The following AKAP6 variants were observed in gnomAD, a reference collection of about 807,000 sequenced individuals.
The protein encoded by AKAP6 is A-kinase anchor protein 6.
A neutral mutation model predicts 188.5 loss-of-function variants in AKAP6; 58 were observed. The ratio of observed to expected loss-of-function variants is 0.31; its 90% CI spans 0.25 to 0.38. AKAP6 has a LOEUF of 0.38. AKAP6 is among the 10% of genes least tolerant of loss of function. AKAP6 has a pLI of 1.00. For missense variants in AKAP6, 2,710 were observed against 2,740.0 expected (o/e 0.99, Z 0.24); for synonymous variants, 989 against 998.6 (o/e 0.99, Z 0.18).
At chr14:32,631,007 A>C (rs887587802) in intron 7 of AKAP6, among the ~76,000 whole-genome samples, 1 of 151,982 alleles carries the variant, frequency 6.6e-6, no homozygotes, top group Non-Finnish European at 1.5e-5. Flanking sequence ...GTTTTGTTGA[A>C]TTTTTAAAAA....
chr14:32,672,627 T>A (rs1194774365), intron 7 of AKAP6, among the ~76,000 whole-genome samples: 1 of 152,166 alleles, frequency 6.6e-6, no homozygotes, highest in Non-Finnish European at 1.5e-5. Flanking sequence ...AGATTCTATC[T>A]CCAAATATAG....
intron 5 of AKAP6, among the ~76,000 whole-genome samples, chr14:32,585,918 G>A (rs1156915495): frequency 1.3e-5 from 2 of 152,168 alleles, no homozygotes; most frequent in Non-Finnish European, 2.9e-5. Flanking sequence ...TTGGGGCTGG[G>A]TGGTAAAGGA....
At position 32,821,964 on chromosome 14, in the gene AKAP6, A is replaced by G. The variant is rs2034533917; in HGVS notation, c.4151A>G (p.Asn1384Ser). 3 of 1,613,876 alleles carry G rather than the reference A, an allele frequency of 1.9e-6. No homozygotes were observed. The Admixed American group carries it at 5.0e-5, about 27-fold the overall frequency. Residue 1384 changes from asparagine to serine, a missense_variant, in exon 13 of 14, where the codon AAT becomes AGT. Coordinates refer to ENST00000280979, the MANE Select transcript of AKAP6 (RefSeq NM_004274.5). The part of the protein sequence containing the change: ...TTTNSEMCLL[N>S]AVDGSPSNLE... ...ACCAACTCTGAAATGTGCTTGCTCAATGCAGTGGATGGGTCCCCAAGTAAC... is the reference window on the plus strand; with the variant it reads ...ACCAACTCTGAAATGTGCTTGCTCAGTGCAGTGGATGGGTCCCCAAGTAAC...
intron 9 of AKAP6, among the ~76,000 whole-genome samples, chr14:32,725,758 C>A (rs932605984): frequency 4.6e-5 from 7 of 152,058 alleles, no homozygotes; most frequent in East Asian, 1.9e-4. Flanking sequence ...AAATATCAAC[C>A]ATAAAAATGC....
intron 12 of AKAP6, among the ~76,000 whole-genome samples, chr14:32,797,443 T>A (rs1478962577): frequency 6.6e-6 from 1 of 152,188 alleles, no homozygotes; most frequent in Non-Finnish European, 1.5e-5. Context: ...TAAAAAGGAA[T>A]GAGACCATGT....
chr14:32,653,831 T>C (rs890516625), intron 7 of AKAP6, among the ~76,000 whole-genome samples: 1 of 152,218 alleles, frequency 6.6e-6, no homozygotes, highest in Non-Finnish European at 1.5e-5. Flanking sequence ...TGCCTCATTT[T>C]TATTTATAGT....
intron 5 of AKAP6, among the ~76,000 whole-genome samples, chr14:32,578,269 G>GT (rs1884816597): frequency 6.6e-6 from 1 of 152,052 alleles, no homozygotes; most frequent in Non-Finnish European, 1.5e-5. Context: ...TTTGGTGTTT[G>GT]TTTTTTGCAG....
At chr14:32,517,457 G>A (rs1002161424) in intron 2 of AKAP6, among the ~76,000 whole-genome samples, 1 of 152,158 alleles carries the variant, frequency 6.6e-6, no homozygotes, top group Admixed American at 6.5e-5. Context: ...GCAGCCTATG[G>A]AGTGTGAGCC....
In AKAP6 at chr14:32,822,964, G is replaced by A. The variant is rs1398288716; in HGVS notation, c.5151G>A (p.Ser1717=). The change falls in exon 13 of 14, where the codon TCG becomes TCA. Residue 1717 remains serine, a synonymous_variant. Transcript: ENST00000280979. Reference sequence around the variant, plus strand: ...ACAAGATCCCGGAATCGAATGCATCGTTCAGGAAGCGTCTGACTCGTTCAG... The same window carrying A: ...ACAAGATCCCGGAATCGAATGCATCATTCAGGAAGCGTCTGACTCGTTCAG... The part of the protein sequence containing the change: ...HKNKIPESNA[S]FRKRLTRSVA... 38 of 1,613,714 alleles carry A rather than the reference G, an allele frequency of 2.4e-5. No individual in the cohort carries two copies. Among genetic ancestry groups the A allele is most frequent in the Middle Eastern group, 3.3e-4 (2 of 6,080 alleles).
intron 2 of AKAP6, among the ~76,000 whole-genome samples, chr14:32,510,504 A>G (rs1440280001): frequency 7.0e-6 from 1 of 142,748 alleles, no homozygotes; most frequent in Non-Finnish European, 1.5e-5. Context: ...ATATATATAT[A>G]TGAAGAATTA....
chr14:32,665,082 A>G (rs1245964890), intron 7 of AKAP6, among the ~76,000 whole-genome samples: 1 of 152,132 alleles, frequency 6.6e-6, no homozygotes, highest in Admixed American at 6.5e-5. Context: ...CACAATAATC[A>G]TCAATACAGA....
rs1344216403 is a variant in AKAP6, at chr14:32,561,983, C to G, written c.2346+14984C>G. Reference sequence around the variant, plus strand: ...TCAAGGTCACTCATGATGTCAGGCCCTGTCTGAGGTTATAGAATTTTCTAT... The same window carrying G: ...TCAAGGTCACTCATGATGTCAGGCCGTGTCTGAGGTTATAGAATTTTCTAT... On this transcript the variant is annotated intron_variant, in intron 4 of 13. Coordinates refer to ENST00000280979, the MANE Select transcript of AKAP6 (RefSeq NM_004274.5). 1.2e-4 allele frequency among the ~76,000 whole-genome samples: 19 copies of G among 152,240 alleles called. 1 individual carries two copies. In the South Asian group the frequency reaches 3.5e-3, roughly 28 times the overall value.
chr14:32,742,450 C>T lies in AKAP6; in HGVS notation c.3372+6568C>T, dbSNP rs564957760. ...TATGCTTTTCTAGTTCTTTAAGATG[C>T]TTTGTTATATTGTTTATTTGAAGTT... is the stretch of plus-strand genomic sequence containing the variant. On this transcript the variant is annotated intron_variant, in intron 11 of 13. Transcript: ENST00000280979. Among the ~76,000 whole-genome samples the T allele has an allele frequency of 3.2e-4, 49 of 151,468 alleles. No individual in the cohort carries two copies. The East Asian group carries it at 9.1e-3, about 28-fold the overall frequency.
intron 12 of AKAP6, among the ~76,000 whole-genome samples, chr14:32,786,296 A>ATGGTTTTTTTTTTTTTTTTTTTTTTTT: frequency 1.1e-5 from 1 of 93,706 alleles, no homozygotes; most frequent in African/African-American, 4.1e-5. Flanking sequence ...CTAAACCTTT[A>ATGGTTTTTTTTTTTTTTTTTTTTTTTT]TCTTTTTTTT....
chr14:32,607,513 T>C (rs968435750), intron 7 of AKAP6, among the ~76,000 whole-genome samples: 3 of 152,190 alleles, frequency 2.0e-5, no homozygotes, highest in African/African-American at 7.2e-5. Context: ...CCATTATTTA[T>C]TGAGTGCTGA....
chr14:32,584,070 A>C (rs1325138452), intron 5 of AKAP6, among the ~76,000 whole-genome samples: 2 of 152,066 alleles, frequency 1.3e-5, no homozygotes, highest in Non-Finnish European at 2.9e-5. Flanking sequence ...CTTCTGCATC[A>C]CTCACGCTGG....
chr14:32,679,420 A>G (rs558105095), intron 8 of AKAP6, among the ~76,000 whole-genome samples: 2 of 152,312 alleles, frequency 1.3e-5, no homozygotes, highest in South Asian at 4.1e-4. Context: ...CCAAAGTTAC[A>G]TTACATGTTA....
chr14:32,518,146 A>G (rs1881620119), intron 2 of AKAP6, among the ~76,000 whole-genome samples: 1 of 151,672 alleles, frequency 6.6e-6, no homozygotes, highest in African/African-American at 2.4e-5. Flanking sequence ...TGTTAGAAGG[A>G]AAACTAACAA....
chr14:32,758,361 A>G (rs1350511365), intron 11 of AKAP6, among the ~76,000 whole-genome samples: 1 of 152,224 alleles, frequency 6.6e-6, no homozygotes, highest in Non-Finnish European at 1.5e-5. Context: ...GTTATCCTTG[A>G]TGGCTTTGTA....
Sources: gnomAD v4.1 joint callset for allele counts (sites outside exome capture counted in the v4.1 genomes callset) on GRCh38, gnomAD v4.1.1 for gene constraint, MANE v1.5 for transcripts, NCBI Gene and HGNC (gene_info 2026-07-23, HGNC 2026-07-21) for gene names.